The following EPHA4 variants were observed in gnomAD, a reference collection of about 807,000 sequenced individuals.
EPHA4 encodes EPH receptor A4.
Under a neutral mutation model 108.3 loss-of-function variants are expected in EPHA4, and 19 were observed. That is an observed-to-expected ratio of 0.18 (90% CI 0.12 to 0.26). The LOEUF is 0.26. Ranked by LOEUF, EPHA4 falls within the 10% of genes least tolerant of loss-of-function variation. EPHA4 has a pLI of 1.00. For missense variants in EPHA4, 917 were observed against 1,254.0 expected (o/e 0.73, Z 4.06); for synonymous variants, 449 against 455.5 (o/e 0.99, Z 0.18).
At chr2:221,508,308 G>A (rs572228946) in intron 3 of EPHA4, among the ~76,000 whole-genome samples, 8 of 152,270 alleles carry the variant, frequency 5.3e-5, no homozygotes, top group African/African-American at 1.9e-4. Flanking sequence ...GCCGGGCGTG[G>A]TGGCTCACGC....
At chr2:221,549,008 A>G (rs2106197067) in intron 3 of EPHA4, among the ~76,000 whole-genome samples, 1 of 152,234 alleles carries the variant, frequency 6.6e-6, no homozygotes, top group East Asian at 1.9e-4. Flanking sequence ...GGAGTCCTGT[A>G]AAACTCCATT....
rs1574617059 is a variant in EPHA4, at chr2:221,502,405, A to G, written c.824-1233T>C. 3 of 408,950 alleles carry G rather than the reference A, an allele frequency of 7.3e-6. No homozygotes were observed. The East Asian group carries it at 2.2e-4, about 30-fold the overall frequency. The allele number at this position is 408,950 out of a possible 1,614,324, so 25.3% of individuals were successfully genotyped here. On this transcript the variant is annotated intron_variant, in intron 3 of 17. Coordinates refer to ENST00000281821, the MANE Select transcript of EPHA4 (RefSeq NM_004438.5). ...GATTCACTCTCGTTTCTTTTCATTC[A>G]TCATGTCCTTAGGACTTGTCTATAC...
intron 3 of EPHA4, among the ~76,000 whole-genome samples, chr2:221,507,940 C>T (rs193025384): frequency 3.3e-5 from 5 of 152,248 alleles, no homozygotes; most frequent in East Asian, 3.9e-4. Flanking sequence ...TCAGAATGAC[C>T]TTAACAAAGG....
chr2:221,526,462 C>T (rs564028862), intron 3 of EPHA4, among the ~76,000 whole-genome samples: 2 of 151,872 alleles, frequency 1.3e-5, no homozygotes, highest in South Asian at 2.1e-4. Flanking sequence ...ATGTGTCCCT[C>T]GAAGGTCATG....
chr2:221,446,470 C>G (rs575741007), intron 8 of EPHA4, among the ~76,000 whole-genome samples: 2 of 152,070 alleles, frequency 1.3e-5, no homozygotes, highest in Non-Finnish European at 2.9e-5. Flanking sequence ...TAAAATCTCT[C>G]AGAGAAAATT....
At chr2:221,427,276 C>T (rs1052050006) in intron 15 of EPHA4, among the ~76,000 whole-genome samples, 6 of 152,162 alleles carry the variant, frequency 3.9e-5, no homozygotes, top group Admixed American at 2.6e-4. Context: ...ATGTGCTTCT[C>T]GTATTCCCTT....
rs145141867 is a variant in EPHA4 at position 221,501,033 on chromosome 2, G to A, written c.963C>T (p.Ala321=). Residue 321 remains alanine (A), a synonymous_variant, in exon 4 of 18, where the codon GCC becomes GCT. Coordinates refer to ENST00000281821, the MANE Select transcript of EPHA4 (RefSeq NM_004438.5). The part of the protein sequence containing the change: ...RGFFRADNDA[A]SMPCTRPPSA... ...ACAACTTACGGGTGCAGGGCATAGA[G>A]GCAGCATCGTTGTCAGCTCTGAAAA... 3.4e-4 allele frequency: 550 copies of A among 1,610,982 alleles called. No individual in the cohort carries two copies. Among genetic ancestry groups the A allele is most frequent in the Non-Finnish European group, 4.5e-4 (525 of 1,178,836 alleles).
intron 10 of EPHA4, 89 bp from the exon 11 acceptor site, chr2:221,443,103 C>G (rs904473802): frequency 1.5e-6 from 2 of 1,372,202 alleles, no homozygotes; most frequent in East Asian, 4.6e-5. Flanking sequence ...GCTTGTTACA[C>G]GCCAGGCTGT....
chr2:221,570,698 TA>T (rs113660705), intron 1 of EPHA4, among the ~76,000 whole-genome samples: 80,117 of 151,640 alleles, frequency 0.53, 21,336 homozygotes, highest in Non-Finnish European at 0.57. Context: ...GAGAAAACGA[TA>T]GATTACACAG....
chr2:221,557,259 G>A (rs1694333050), intron 3 of EPHA4, among the ~76,000 whole-genome samples: 1 of 152,078 alleles, frequency 6.6e-6, no homozygotes, highest in African/African-American at 2.4e-5. Context: ...CCCTGTATTT[G>A]TCACCATTGC....
At chr2:221,497,671 G>A (rs571810490) in intron 4 of EPHA4, among the ~76,000 whole-genome samples, 2 of 151,606 alleles carry the variant, frequency 1.3e-5, no homozygotes, top group South Asian at 4.2e-4. Context: ...GGGAGGTGGA[G>A]GTTGCAGTGA....
chr2:221,537,174 A>G (rs923676686), intron 3 of EPHA4, among the ~76,000 whole-genome samples: 16 of 152,206 alleles, frequency 1.1e-4, no homozygotes, highest in African/African-American at 3.9e-4. Context: ...GCAAGGCCCA[A>G]AAAACAAAGC....
intron 17 of EPHA4, among the ~76,000 whole-genome samples, chr2:221,424,421 G>C (rs544923308): frequency 6.7e-6 from 1 of 148,720 alleles, no homozygotes; most frequent in South Asian, 2.1e-4. Flanking sequence ...CAAGGGGAAA[G>C]AAAGGTCGTT....
intron 3 of EPHA4, among the ~76,000 whole-genome samples, chr2:221,508,281 A>T (rs1692692389): frequency 6.6e-6 from 1 of 152,140 alleles, no homozygotes; most frequent in Non-Finnish European, 1.5e-5. Flanking sequence ...GCATGCCAGA[A>T]ATCTGACATG....
chr2:221,529,505 C>G (rs1693442626), intron 3 of EPHA4, among the ~76,000 whole-genome samples: 1 of 152,202 alleles, frequency 6.6e-6, no homozygotes, highest in South Asian at 2.1e-4. Flanking sequence ...GGTTACAAAT[C>G]TGTTGCATCC....
intron 8 of EPHA4, among the ~76,000 whole-genome samples, chr2:221,453,165 G>A (rs935249673): frequency 4.6e-5 from 7 of 152,260 alleles, no homozygotes; most frequent in African/African-American, 1.7e-4. Context: ...CACAAGGCAA[G>A]GCCTACTTTC....
chr2:221,564,312 T>C lies in EPHA4; in HGVS notation c.242A>G (p.Asn81Ser), dbSNP rs1574663492. 4.3e-6 allele frequency: 7 copies of C among 1,614,184 alleles called. No individual in the cohort carries two copies. The East Asian group carries it at 1.6e-4, about 36-fold the overall frequency. Reference protein sequence around the residue: ...QVCNVMEPSQNNWLRTDWITR... With the variant: ...QVCNVMEPSQSNWLRTDWITR... ...GATCCAATCAGTTCGTAGCCAGTTA[T>C]TCTGGCTGGGTTCCATCACATTGCA... Residue 81 changes from asparagine (N) to serine (S), a missense_variant, in exon 3 of 18, where the codon AAT becomes AGT. Transcript: ENST00000281821.
At chr2:221,474,615 G>A (rs192414479) in intron 5 of EPHA4, among the ~76,000 whole-genome samples, 10 of 152,030 alleles carry the variant, frequency 6.6e-5, no homozygotes, top group Non-Finnish European at 8.8e-5. Flanking sequence ...ACCAGCTACC[G>A]ATTCCCTACT....
intron 3 of EPHA4, among the ~76,000 whole-genome samples, chr2:221,504,539 TTA>T (rs10556912): frequency 0.23 from 33,606 of 148,006 alleles, 4,445 homozygotes; most frequent in Middle Eastern, 0.36. Context: ...TTTGAAAATT[TTA>T]TATATATATA....
Sources: allele counts gnomAD v4.1 joint callset (sites outside exome capture counted in the v4.1 genomes callset), GRCh38; gene constraint gnomAD v4.1.1; transcripts MANE v1.5; gene names NCBI Gene and HGNC (gene_info 2026-07-23, HGNC 2026-07-21).